CSMD2: variants seen among roughly 807,000 people sequenced by gnomAD.
CSMD2 encodes the protein CUB and Sushi multiple domains 2, also known as CUB and sushi domain-containing protein 2.
Under a neutral mutation model 398.5 loss-of-function variants are expected in CSMD2, and 130 were observed. The ratio of observed to expected loss-of-function variants is 0.33; its 90% confidence interval spans 0.28 to 0.38. CSMD2 has a LOEUF of 0.38. CSMD2 is among the 10% of genes least tolerant of loss of function. CSMD2 has a pLI of 1.00. For missense variants in CSMD2, 3,829 were observed against 4,764.9 expected (o/e 0.80, Z 5.78); for synonymous variants, 1,828 against 1,908.5 (o/e 0.96, Z 1.10).
chr1:33,590,595 TCA>T (rs10611040), intron 44 of CSMD2, among the ~76,000 whole-genome samples: 1,749 of 137,696 alleles, frequency 0.013, 16 homozygotes, highest in African/African-American at 0.018. Context: ...CTATTTCCCA[TCA>T]CACACACACA....
intron 27 of CSMD2, among the ~76,000 whole-genome samples, chr1:33,657,146 T>C (rs1571114137): frequency 6.6e-6 from 1 of 152,166 alleles, no homozygotes; most frequent in Admixed American, 6.5e-5. Context: ...AGGTCCTTCA[T>C]GTCTTCATCT....
chr1:33,900,741 T>C (rs942620954), intron 5 of CSMD2, among the ~76,000 whole-genome samples: 12 of 151,652 alleles, frequency 7.9e-5, no homozygotes, highest in African/African-American at 2.7e-4. Flanking sequence ...GATCATGCCA[T>C]TGCACTCCAG....
At chr1:33,880,266 C>G (rs137930110) in intron 5 of CSMD2, among the ~76,000 whole-genome samples, 4 of 152,212 alleles carry the variant, frequency 2.6e-5, no homozygotes, top group Admixed American at 6.5e-5. Flanking sequence ...TGCCAACTTA[C>G]TGCTTCTCTC....
At chr1:34,145,497 A>C (rs1639684147) in intron 1 of CSMD2, among the ~76,000 whole-genome samples, 1 of 152,196 alleles carries the variant, frequency 6.6e-6, no homozygotes, top group Non-Finnish European at 1.5e-5. Flanking sequence ...AGCATCTCCC[A>C]GTGTAATTTT....
intron 3 of CSMD2, among the ~76,000 whole-genome samples, chr1:34,003,528 G>T (rs575659516): frequency 1.3e-5 from 2 of 152,154 alleles, no homozygotes; most frequent in African/African-American, 4.8e-5. Context: ...TTGATTGGAC[G>T]CTGGGTGCCA....
chr1:33,525,761 T>G (rs920401866), intron 65 of CSMD2, among the ~76,000 whole-genome samples: 1 of 151,932 alleles, frequency 6.6e-6, no homozygotes, highest in Non-Finnish European at 1.5e-5. Context: ...CTCGGCTCAC[T>G]GCAACCTCTG....
chr1:33,519,598 A>G lies in CSMD2; in HGVS notation c.10816T>C (p.Tyr3606His). Reference protein sequence around the residue: ...NVRATFENPMYDRNIQPTDIM... With the variant: ...NVRATFENPMHDRNIQPTDIM... ...TCTGTGGGCTGGATGTTGCGGTCGT[A>G]CATTGGGTTCTCAAATGTGGCCCGA... is the stretch of plus-strand genomic sequence containing the variant. The change falls in exon 70 of 71, where the codon TAC becomes CAC. Residue 3606 changes from tyrosine to histidine, a missense_variant. Coordinates refer to ENST00000373381, the MANE Select transcript of CSMD2 (RefSeq NM_001281956.2). This position sits in a 1 kb window ranked among gnomAD's most constrained non-coding sequence, Gnocchi z 5.6. 3 of 1,613,972 alleles carry G rather than the reference A, an allele frequency of 1.9e-6. No individual in the cohort carries two copies. The highest frequency in any genetic ancestry group is 2.5e-6 in the Non-Finnish European group (3 of 1,179,978).
At chr1:33,907,418 C>T (rs1265790152) in intron 5 of CSMD2, among the ~76,000 whole-genome samples, 1 of 152,042 alleles carries the variant, frequency 6.6e-6, no homozygotes, top group Non-Finnish European at 1.5e-5. Context: ...AGAGCCACCA[C>T]ACCCGGCCCT....
chr1:33,692,805 A>G, intron 25 of CSMD2, 125 bp downstream of exon 25: 1 of 1,217,372 alleles, frequency 8.2e-7, no homozygotes. Flanking sequence ...AGCAACCACT[A>G]TTGATCACAA....
chr1:33,747,307 G>A (rs78961874), intron 13 of CSMD2, among the ~76,000 whole-genome samples: 48 of 152,264 alleles, frequency 3.2e-4, no homozygotes, highest in African/African-American at 1.1e-3. Flanking sequence ...AATATAAGAC[G>A]TTATTCCTGC....
rs148838470 is a variant in CSMD2, at chr1:34,011,196, G to A, written c.517+21398C>T. Among the ~76,000 whole-genome samples, 502 of 152,312 alleles carry A rather than the reference G, an allele frequency of 3.3e-3. 2 individuals are homozygous for A. Among genetic ancestry groups the A allele is most frequent in the Middle Eastern group, 0.01 (3 of 294 alleles). On this transcript the variant is annotated intron_variant, in intron 3 of 70. Transcript: ENST00000373381. ...CTGTGCTCATGAGTGAATCCCCACT[G>A]CCTGGCACTGTGCTAGTAATTCCTG...
rs61528553 is a variant in CSMD2 at position 34,040,190 on chromosome 1, C to CAA, written c.405-7486_405-7485dup. Among the ~76,000 whole-genome samples, 58 of 122,396 alleles carry CAA rather than the reference C, an allele frequency of 4.7e-4. 1 individual carries two copies. The highest frequency in any genetic ancestry group is 1.7e-3 in the African/African-American group (55 of 31,680). 80.3% of individuals were successfully genotyped at this position (122,396 alleles called of 152,430 possible). On this transcript the variant is annotated intron_variant, in intron 2 of 70. Coordinates refer to ENST00000373381, the MANE Select transcript of CSMD2 (RefSeq NM_001281956.2). ...TGGGCAAAAAAGTGAGATCCTGACT[C>CAA]AAAAAAAAAATTAAATTAAAAAAAA... is the stretch of plus-strand genomic sequence containing the variant.
chr1:33,612,147 C>G (rs1336236314), intron 40 of CSMD2, among the ~76,000 whole-genome samples: 1 of 152,212 alleles, frequency 6.6e-6, no homozygotes, highest in East Asian at 1.9e-4. Context: ...AGGTCCTTGT[C>G]TTCATGAGAC....
chr1:33,864,830 T>C (rs540132475), intron 5 of CSMD2: 10 of 1,222,324 alleles, frequency 8.2e-6, no homozygotes, highest in Middle Eastern at 3.9e-4. Context: ...TTAGAGTAGC[T>C]GTGACTGATG....
chr1:34,087,612 TATAATAATAATAATAATAATA>T lies in CSMD2; in HGVS notation c.404+1344_404+1364del, dbSNP rs71717621. ...TGCACAAGTATCCCAGAACTTAAAG[TATAATAATAATAATAATAATA>T]ATAATAATAATAATAATAATAATAA... On this transcript the variant is annotated intron_variant, in intron 2 of 70. Transcript: ENST00000373381. Among the ~76,000 whole-genome samples the T allele has an allele frequency of 6.5e-5, 9 of 138,352 alleles. No homozygotes were observed. The East Asian group carries it at 1.0e-3, about 16-fold the overall frequency. The allele number at this position is 138,352 out of a possible 152,430, so 90.8% of individuals were successfully genotyped here. A position where few individuals can be genotyped will look rare whatever the true frequency, so the allele number is the denominator to read the frequency against.
At chr1:33,945,544 A>G (rs1251821885) in intron 3 of CSMD2, among the ~76,000 whole-genome samples, 2 of 152,100 alleles carry the variant, frequency 1.3e-5, no homozygotes, top group Admixed American at 6.5e-5. Context: ...GGGATGTTTC[A>G]GGGCCTCCTA....
At chr1:33,770,117 C>T (rs1462436264) in intron 13 of CSMD2, among the ~76,000 whole-genome samples, 1 of 152,120 alleles carries the variant, frequency 6.6e-6, no homozygotes, top group East Asian at 1.9e-4. Context: ...AAGTAGCTTC[C>T]AGGTATTTAT....
chr1:33,883,678 G>A (rs1641388751), intron 5 of CSMD2, among the ~76,000 whole-genome samples: 1 of 152,120 alleles, frequency 6.6e-6, no homozygotes, highest in African/African-American at 2.4e-5. Flanking sequence ...ACACATATGG[G>A]AACTCTCCAA....
chr1:33,862,436 T>A (rs1456547830), intron 5 of CSMD2: 1 of 150,020 alleles, frequency 6.7e-6, no homozygotes, highest in African/African-American at 2.4e-5. Context: ...TGGACTTTCA[T>A]TAAAGTTCTT....
Sources: allele counts gnomAD v4.1 joint callset (sites outside exome capture counted in the v4.1 genomes callset), GRCh38; gene constraint gnomAD v4.1.1; non-coding constraint Gnocchi (gnomAD v3.1); transcripts MANE v1.5; gene names NCBI Gene and HGNC (gene_info 2026-07-23, HGNC 2026-07-21).